Variants in KTN1 observed in about 807,000 individuals in gnomAD.
KTN1 encodes kinectin 1, also known as kinectin.
A neutral mutation model predicts 222.5 loss-of-function variants in KTN1; 130 were observed. That is an observed-to-expected ratio of 0.58 (90% CI 0.51 to 0.68). The LOEUF (loss-of-function observed/expected upper bound fraction) is 0.68, where lower values mean the gene tolerates loss of function less well. Ranked by LOEUF, KTN1 falls within the 30% of genes least tolerant of loss-of-function variation. The pLI, the probability that KTN1 is intolerant of heterozygous loss-of-function variation, is 0.00. For synonymous variants in KTN1, 512 were observed against 496.3 expected (o/e 1.03, Z -0.42); for missense variants, 1,508 against 1,500.4 (o/e 1.01, Z -0.08).
At position 55,612,134 on chromosome 14, in the gene KTN1, T is replaced by C; in HGVS notation, c.86T>C (p.Met29Thr). 2.5e-6 allele frequency: 4 copies of C among 1,571,132 alleles called. No homozygotes were observed. The highest frequency in any genetic ancestry group is 3.4e-6 in the Non-Finnish European group (4 of 1,166,852). Residue 29 changes from methionine to threonine, a missense_variant, in exon 2 of 44, where the codon ATG (methionine) becomes ACG (threonine). Physicochemically the swap from Met to Thr is moderately conservative, Grantham distance 81 (BLOSUM62 -1). Transcript: ENST00000395314. ...ATTTTCCTCTTCTTCTGGCTTTTCATGAAAGAAACATTATATGATGAAGTT... is the reference window on the plus strand; with the variant it reads ...ATTTTCCTCTTCTTCTGGCTTTTCACGAAAGAAACATTATATGATGAAGTT... The part of the protein sequence containing the change: ...TVIFLFFWLF[M>T]KETLYDEVLA...
intron 25 of KTN1, 65 bp downstream of exon 25, chr14:55,651,992 G>A: frequency 1.0e-6 from 1 of 977,810 alleles, no homozygotes; most frequent in South Asian, 1.5e-5. Context: ...GAAGTATAAT[G>A]AAAATTATAG....
intron 33 of KTN1, among the ~76,000 whole-genome samples, chr14:55,664,244 ATTGT>A (rs1407570719): frequency 2.0e-5 from 3 of 152,082 alleles, no homozygotes; most frequent in East Asian, 1.9e-4. Context: ...TGATTACCTG[ATTGT>A]TTGGGCTTTG....
intron 5 of KTN1, among the ~76,000 whole-genome samples, chr14:55,626,746 T>TAGAG (rs1379296589): frequency 6.6e-6 from 1 of 152,154 alleles, no homozygotes; most frequent in African/African-American, 2.4e-5. Context: ...TTTTAGCCTT[T>TAGAG]GCTGCTTTTC....
rs188932835 is a variant in KTN1, at chr14:55,663,769, G to A, written c.3091-186G>A. Reference sequence around the variant, plus strand: ...ATATACTAAAACATGGAAAGTGGGCGTCTTTATTTTCTCATTCAAACTTCT... The same window carrying A: ...ATATACTAAAACATGGAAAGTGGGCATCTTTATTTTCTCATTCAAACTTCT... On this transcript the variant is annotated intron_variant, in intron 32 of 43. Coordinates refer to ENST00000395314, the MANE Select transcript of KTN1 (RefSeq NM_001079521.2). The A allele has an allele frequency of 2.4e-3, 1,255 of 517,562 alleles. 36 individuals carry two copies. In the South Asian group the frequency reaches 0.032, roughly 13 times the overall value. The allele number at this position is 517,562 out of a possible 1,614,324, so 32.1% of individuals were successfully genotyped here.
intron 43 of KTN1, 109 bp downstream of exon 43, chr14:55,679,794 A>G (rs1477452153): frequency 1.4e-5 from 16 of 1,154,444 alleles, no homozygotes; most frequent in East Asian, 4.8e-5. Flanking sequence ...TTCCTTCTTT[A>G]TCTCTCAGAA....
rs1233073878 is a variant in KTN1, at chr14:55,649,787, C to G, written c.2379C>G (p.Ala793=). The G allele has an allele frequency of 1.3e-6, 2 of 1,519,988 alleles. No homozygotes were observed. Among genetic ancestry groups the G allele is most frequent in the African/African-American group, 1.4e-5 (1 of 71,542 alleles). 94.2% of individuals were successfully genotyped at this position (1,519,988 alleles called of 1,614,324 possible). A position where few individuals can be genotyped will look rare whatever the true frequency, so the allele number is the denominator to read the frequency against. Reference sequence around the variant, plus strand: ...TTTCCTATTTCCAGGTTTCTTTTGCCTCTCTAGTTGAAGAACTTAAGAAAG... The same window carrying G: ...TTTCCTATTTCCAGGTTTCTTTTGCGTCTCTAGTTGAAGAACTTAAGAAAG... ...KAKQNDQVSF[A]SLVEELKKVI... is the part of the protein sequence containing the mutation. The change falls in exon 22 of 44, where the codon GCC becomes GCG. Residue 793 remains alanine (A), a synonymous_variant. Transcript: ENST00000395314.
intron 37 of KTN1, 96 bp downstream of exon 37, chr14:55,671,973 C>T (rs1490466823): frequency 4.1e-6 from 3 of 730,056 alleles, no homozygotes; most frequent in Admixed American, 5.0e-5. Context: ...GGGCCCCAAC[C>T]CAGCTACCAA....
chr14:55,663,106 C>T (rs766920545), intron 32 of KTN1: 2 of 376,978 alleles, frequency 5.3e-6, no homozygotes, highest in African/African-American at 2.1e-5. Flanking sequence ...ATAAATACCT[C>T]ATGGGGTTGT....
chr14:55,678,319 T>C (rs751095235), intron 41 of KTN1, 33 bp from the exon 42 acceptor site: 3 of 1,184,936 alleles, frequency 2.5e-6, no homozygotes, highest in African/African-American at 1.5e-5. Flanking sequence ...TCAACTGTAT[T>C]ACTTAGTAGC....
rs374440757 is a variant in KTN1, at chr14:55,672,915, T to C, written c.3604-14T>C. 3.1e-6 allele frequency: 5 copies of C among 1,604,978 alleles called. No homozygotes were observed. The highest frequency in any genetic ancestry group is 4.3e-6 in the Non-Finnish European group (5 of 1,172,624). On this transcript the variant is annotated splice_polypyrimidine_tract_variant and intron_variant, in intron 38 of 43. Coordinates refer to ENST00000395314, the MANE Select transcript of KTN1 (RefSeq NM_001079521.2). Reference sequence around the variant, plus strand: ...ATTTTAAGTGTGTTAACTTTTCCTTTGTTGCATTGCTAGCTGAGAAGAGAA... The same window carrying C: ...ATTTTAAGTGTGTTAACTTTTCCTTCGTTGCATTGCTAGCTGAGAAGAGAA...
chr14:55,612,055 T>G lies in KTN1; in HGVS notation c.7T>G (p.Phe3Val). ...TCACATTGACAAAAGTACCATGGAG[T>G]TTTATGAGTCAGCATATTTTATTGT... MEFYESAYFIVLI... is the reference protein window; with the variant it reads MEVYESAYFIVLI... The change falls in exon 2 of 44, where the codon TTT becomes GTT. Residue 3 changes from phenylalanine (F) to valine (V), a missense_variant. Physicochemically the swap from Phe to Val is conservative, Grantham distance 50. Coordinates refer to ENST00000395314, the MANE Select transcript of KTN1 (RefSeq NM_001079521.2). 1 of 1,457,158 alleles carries G rather than the reference T, an allele frequency of 6.9e-7. No homozygotes were observed. Among genetic ancestry groups the G allele is most frequent in the Non-Finnish European group, 9.1e-7 (1 of 1,104,466 alleles). The allele number at this position is 1,457,158 out of a possible 1,614,324, so 90.3% of individuals were successfully genotyped here.
At chr14:55,609,370 T>A (rs1424054664) in intron 1 of KTN1, among the ~76,000 whole-genome samples, 1 of 152,194 alleles carries the variant, frequency 6.6e-6, no homozygotes, top group Non-Finnish European at 1.5e-5. Context: ...TTCTTGATTC[T>A]TCATCTCTTG....
chr14:55,661,720 T>G (rs2044163463), intron 32 of KTN1, 108 bp downstream of exon 32: 1 of 574,056 alleles, frequency 1.7e-6, no homozygotes, highest in African/African-American at 1.9e-5. Context: ...TTCTTAATCT[T>G]TGTAAGAAAG....
At chr14:55,623,259 T>A (rs1373357801) in intron 5 of KTN1, among the ~76,000 whole-genome samples, 1 of 152,282 alleles carries the variant, frequency 6.6e-6, no homozygotes, top group Non-Finnish European at 1.5e-5. Flanking sequence ...GTATGCTTGT[T>A]AGTTTCCGTG....
Position 55,653,086 on chromosome 14 carries a change from G to A in KTN1, c.2763+1G>A, listed in dbSNP as rs763408355. On this transcript the variant is annotated splice_donor_variant, in intron 27 of 43. Transcript: ENST00000395314. LOFTEE classifies it high-confidence loss of function. ...AGTAGCACAACATAACTTGAAAGAG[G>A]TATAGTATAAACAAATTACCAACAT... The A allele has an allele frequency of 1.9e-6, 3 of 1,563,480 alleles. No homozygotes were observed. The East Asian group carries it at 6.7e-5, about 35-fold the overall frequency.
At chr14:55,659,567 A>T in intron 30 of KTN1, 99 bp from the exon 31 acceptor site, 2 of 781,640 alleles carry the variant, frequency 2.6e-6, no homozygotes, top group Non-Finnish European at 4.5e-6. Flanking sequence ...TACTATTTTT[A>T]CTTTTGTTGT....
chr14:55,640,844 C>A, intron 15 of KTN1, 89 bp from the exon 16 acceptor site: 1 of 1,041,546 alleles, frequency 9.6e-7, no homozygotes, highest in Non-Finnish European at 1.5e-6. Context: ...TATGGAAATA[C>A]AGCTTTTTAA....
chr14:55,631,354 A>C (rs1443404547), intron 7 of KTN1, among the ~76,000 whole-genome samples: 1 of 141,962 alleles, frequency 7.0e-6, no homozygotes, highest in East Asian at 2.1e-4. Context: ...ATATATATAT[A>C]TATATATATA....
rs1324897309 is a variant in KTN1 at position 55,639,228 on chromosome 14, C to G, written c.1823+6C>G. On this transcript the variant is annotated splice_donor_region_variant and intron_variant, in intron 13 of 43. Transcript: ENST00000395314. ...GCAGAAGAATTACATAAAGTGTAAG[C>G]CTACCTTTTCACACTCTTATAATTG... 1 of 1,595,596 alleles carries G rather than the reference C, an allele frequency of 6.3e-7. No homozygotes were observed. Among genetic ancestry groups the G allele is most frequent in the Non-Finnish European group, 8.6e-7 (1 of 1,164,072 alleles).
Sources: allele counts gnomAD v4.1 joint callset (sites outside exome capture counted in the v4.1 genomes callset), GRCh38; gene constraint gnomAD v4.1.1; transcripts MANE v1.5; gene names NCBI Gene and HGNC (gene_info 2026-07-23, HGNC 2026-07-21).